TBCE: variants seen among roughly 807,000 people sequenced by gnomAD.
TBCE encodes tubulin folding cofactor E, also known as tubulin-specific chaperone E.
A neutral mutation model predicts 77.0 loss-of-function variants in TBCE; 53 were observed. The ratio of observed to expected loss-of-function variants is 0.69; its 90% CI spans 0.55 to 0.87. The LOEUF is 0.87. TBCE is among the 40% of genes least tolerant of loss of function. TBCE has a pLI of 0.00. For synonymous variants in TBCE, 235 were observed against 241.3 expected, an observed-to-expected ratio of 0.97 and a Z score of 0.24; for missense variants, 624 against 622.4, an observed-to-expected ratio of 1.00 and a Z score of -0.03.
chr1:235,442,007 AATTT>A, intron 14 of TBCE, 125 bp downstream of exon 14: 1 of 830,632 alleles, frequency 1.2e-6, no homozygotes, highest in Non-Finnish European at 1.9e-6. Context: ...TTTAAATGAA[AATTT>A]TTTTTTTTTT....
intron 3 of TBCE, among the ~76,000 whole-genome samples, chr1:235,403,753 A>G (rs1017437709): frequency 6.6e-6 from 1 of 152,160 alleles, no homozygotes; most frequent in Non-Finnish European, 1.5e-5. Context: ...GCATTGCTTA[A>G]TGAAGGGGAT....
rs570062029 is a variant in TBCE, at chr1:235,435,556, G to A, written c.738-189G>A. ...ACTATGATATAGGATCACAGGCTAGGTGTGACACTGATACCGGCAGGAATA... is the reference window on the plus strand; with the variant it reads ...ACTATGATATAGGATCACAGGCTAGATGTGACACTGATACCGGCAGGAATA... On this transcript the variant is annotated intron_variant, in intron 8 of 16. Coordinates refer to ENST00000642610, the MANE Select transcript of TBCE (RefSeq NM_003193.5). Among the ~76,000 whole-genome samples, 7 of 152,286 alleles carry A rather than the reference G, an allele frequency of 4.6e-5. No individual in the cohort carries two copies. In the South Asian group the frequency reaches 1.2e-3, roughly 27 times the overall value.
At chr1:235,447,369 A>T (rs1292857797) in intron 15 of TBCE, among the ~76,000 whole-genome samples, 2 of 152,206 alleles carry the variant, frequency 1.3e-5, no homozygotes, top group African/African-American at 2.4e-5. Flanking sequence ...AGCTTCAAGG[A>T]AACTCTATTT....
chr1:235,375,225 A>G (rs1234394810), intron 1 of TBCE, among the ~76,000 whole-genome samples: 2 of 151,406 alleles, frequency 1.3e-5, no homozygotes, highest in Non-Finnish European at 2.9e-5. Flanking sequence ...TGGCCTAGAG[A>G]TGTAGATTTC....
intron 6 of TBCE, 144 bp downstream of exon 6, chr1:235,427,383 C>T: frequency 1.4e-6 from 1 of 711,210 alleles, no homozygotes; most frequent in Non-Finnish European, 2.5e-6. Flanking sequence ...AGGAATTACT[C>T]AGGCTGATAG....
intron 1 of TBCE, among the ~76,000 whole-genome samples, chr1:235,368,759 T>G: frequency 6.7e-6 from 1 of 150,334 alleles, no homozygotes; most frequent in Admixed American, 6.7e-5. Flanking sequence ...AGAGATGGGG[T>G]TTCGCCATGT....
intron 1 of TBCE, among the ~76,000 whole-genome samples, chr1:235,379,578 G>A (rs1045756148): frequency 8.6e-5 from 13 of 151,794 alleles, no homozygotes; most frequent in Middle Eastern, 3.4e-3. Flanking sequence ...CAAATGTATC[G>A]TTTGAGCTAG....
Position 235,448,913 on chromosome 1 carries a change from G to A in TBCE, c.*151G>A, listed in dbSNP as rs189034185. 14 of 673,980 alleles carry A rather than the reference G, an allele frequency of 2.1e-5. No homozygotes were observed. Among genetic ancestry groups the A allele is most frequent in the Admixed American group, 1.7e-4 (8 of 47,054 alleles). 41.7% of individuals were successfully genotyped at this position (673,980 alleles called of 1,614,324 possible). On this transcript the variant is annotated 3_prime_UTR_variant, in exon 17 of 17. Coordinates refer to ENST00000642610, the MANE Select transcript of TBCE (RefSeq NM_003193.5). ...CAAGGGATGTATTTTTTGTTGGGAA[G>A]TGACCATTTCTAGGCTTATACATAA...
At chr1:235,404,267 A>C (rs1679287963) in intron 3 of TBCE, among the ~76,000 whole-genome samples, 1 of 141,556 alleles carries the variant, frequency 7.1e-6, no homozygotes, top group African/African-American at 2.6e-5. Flanking sequence ...ACAGAGCAAG[A>C]CTCCGGCTCA....
chr1:235,401,567 G>T lies in TBCE; in HGVS notation c.165G>T (p.Gly55=). The T allele has an allele frequency of 1.2e-6, 2 of 1,613,768 alleles. No homozygotes were observed. Among genetic ancestry groups the T allele is most frequent in the South Asian group, 1.1e-5 (1 of 91,060 alleles). Residue 55 remains glycine, a synonymous_variant, in exon 3 of 17, where the codon GGG becomes GGT. Coordinates refer to ENST00000642610, the MANE Select transcript of TBCE (RefSeq NM_003193.5). ...ERGKHDGSHE[G]TVYFKCRHPT... Reference sequence around the variant, plus strand: ...GAAAGCATGATGGGAGCCACGAAGGGACTGTGTATTTTAAATGCAGGTAAC... The same window carrying T: ...GAAAGCATGATGGGAGCCACGAAGGTACTGTGTATTTTAAATGCAGGTAAC...
chr1:235,448,816 CGGAAATAAATGATTCACT>C lies in TBCE; in HGVS notation c.*59_*76del. The C allele has an allele frequency of 3.9e-6, 5 of 1,288,386 alleles. No individual in the cohort carries two copies. In the South Asian group the frequency reaches 6.0e-5, roughly 15 times the overall value. 79.8% of individuals were successfully genotyped at this position (1,288,386 alleles called of 1,614,324 possible). A position where few individuals can be genotyped will look rare whatever the true frequency, so the allele number is the denominator to read the frequency against. ...ACTGCTTATCGTGTCTGGGGTTCAC[CGGAAATAAATGATTCACT>C]GGAACAATTCTACTGTCAAAACAAA... On this transcript the variant is annotated 3_prime_UTR_variant, in exon 17 of 17. Transcript: ENST00000642610.
chr1:235,401,441 G>A, intron 2 of TBCE, 62 bp from the exon 3 acceptor site: 1 of 1,449,056 alleles, frequency 6.9e-7, no homozygotes, highest in Non-Finnish European at 9.7e-7. Context: ...TTTGCTTGCA[G>A]AAAACTGGAG....
chr1:235,448,438 A>AAAGT lies in TBCE; in HGVS notation c.1491+3_1491+6dup. On this transcript the variant is annotated frameshift_variant and splice_region_variant, in exon 16 of 17. Coordinates refer to ENST00000642610, the MANE Select transcript of TBCE (RefSeq NM_003193.5). LOFTEE classifies it high-confidence loss of function. ...CCTTCTGTTGTCCTATGAAAGTCCC[A>AAAGT]AAGTAAGTTGCCCAGCAAAATACAA... 1.7e-5 allele frequency: 27 copies of AAAGT among 1,614,048 alleles called. No individual in the cohort carries two copies. Among genetic ancestry groups the AAAGT allele is most frequent in the Admixed American group, 3.3e-5 (2 of 60,016 alleles).
At chr1:235,440,332 G>C (rs889487356) in intron 13 of TBCE, among the ~76,000 whole-genome samples, 7 of 151,906 alleles carry the variant, frequency 4.6e-5, no homozygotes, top group Non-Finnish European at 1.0e-4. Flanking sequence ...TTCAGGTGGC[G>C]CACCATGCTC....
intron 2 of TBCE, among the ~76,000 whole-genome samples, chr1:235,385,389 G>A (rs1209605890): frequency 1.7e-4 from 26 of 152,048 alleles, no homozygotes; most frequent in African/African-American, 6.3e-4. Flanking sequence ...TTTCTGTCTC[G>A]TTGATCTGTC....
At chr1:235,445,180 A>C (rs1682160784) in intron 15 of TBCE, among the ~76,000 whole-genome samples, 1 of 152,266 alleles carries the variant, frequency 6.6e-6, no homozygotes, top group Non-Finnish European at 1.5e-5. Flanking sequence ...GTAAGCCAGC[A>C]GATTACAAGG....
In TBCE at chr1:235,435,681, G is replaced by C. The variant is rs1681402518; in HGVS notation, c.738-64G>C. The C allele has an allele frequency of 4.1e-6, 6 of 1,473,416 alleles. No individual in the cohort carries two copies. The South Asian group carries it at 5.7e-5, about 14-fold the overall frequency. 91.3% of individuals were successfully genotyped at this position (1,473,416 alleles called of 1,614,324 possible). On this transcript the variant is annotated intron_variant, in intron 8 of 16. Transcript: ENST00000642610. ...ATCGCACCAAATGCAGGGATTTTAA[G>C]GCTGTATCTTTGAAAACAATTAAGA...
chr1:235,416,553 A>G (rs951651477), intron 4 of TBCE, among the ~76,000 whole-genome samples: 2 of 141,026 alleles, frequency 1.4e-5, no homozygotes, highest in African/African-American at 5.3e-5. Context: ...AAAAAAAAAA[A>G]CCCCAAATAT....
chr1:235,375,358 A>G (rs1194372551), intron 1 of TBCE, among the ~76,000 whole-genome samples: 3 of 152,188 alleles, frequency 2.0e-5, no homozygotes, highest in Non-Finnish European at 2.9e-5. Context: ...CAGCACCCAG[A>G]TAGACCTAAC....
Sources: gnomAD v4.1 joint callset for allele counts (sites outside exome capture counted in the v4.1 genomes callset) on GRCh38, gnomAD v4.1.1 for gene constraint, MANE v1.5 for transcripts, NCBI Gene and HGNC (gene_info 2026-07-23, HGNC 2026-07-21) for gene names.